The following LIPE variants were observed in gnomAD, a reference collection of about 807,000 sequenced individuals.
LIPE encodes the protein lipase E, hormone sensitive type.
LIPE carries 66 observed loss-of-function variants against 88.5 expected under a neutral mutation model. The observed-to-expected ratio is 0.75, with a 90% CI of 0.61 to 0.91. The LOEUF is 0.91. Ranked by LOEUF, LIPE falls within the 40% of genes least tolerant of loss-of-function variation. The pLI is 0.00. For synonymous variants in LIPE, 570 were observed against 617.5 expected (o/e 0.92, Z 1.14); for missense variants, 1,346 against 1,434.7 (o/e 0.94, Z 1.00).
At position 42,405,681 on chromosome 19, in the gene LIPE, A is replaced by G. The variant is rs533514529; in HGVS notation, c.2366-120T>C. ...AGAATATCCAATCGCTTCAAAAGGG[A>G]TAAGGAGGCTGGGCGCAGTGGCTCA... On this transcript the variant is annotated intron_variant, in intron 7 of 9. Transcript: ENST00000244289. 383 of 1,012,174 alleles carry G rather than the reference A, an allele frequency of 3.8e-4. 1 individual carries two copies. Among genetic ancestry groups the G allele is most frequent in the Non-Finnish European group, 5.1e-4 (355 of 692,598 alleles). The allele number at this position is 1,012,174 out of a possible 1,614,324, so 62.7% of individuals were successfully genotyped here. A position where few individuals can be genotyped will look rare whatever the true frequency, so the allele number is the denominator to read the frequency against.
At position 42,408,395 on chromosome 19, in the gene LIPE, G is replaced by A; in HGVS notation, c.1420-73C>T. The stretch of plus-strand genomic sequence containing the variant: ...GGACAGGGCAGGAGCGAGGCACAGG[G>A]ATGTGCGGGGAAGACACATTCATTC... On this transcript the variant is annotated intron_variant, in intron 2 of 9. Transcript: ENST00000244289. The surrounding 1 kb of genome is among the most constrained non-coding windows in gnomAD (Gnocchi z 4.3). 8.5e-7 allele frequency: 1 copy of A among 1,176,784 alleles called. No individual in the cohort carries two copies. Among genetic ancestry groups the A allele is most frequent in the Non-Finnish European group, 1.3e-6 (1 of 786,082 alleles). 72.9% of individuals were successfully genotyped at this position (1,176,784 alleles called of 1,614,324 possible). A position where few individuals can be genotyped will look rare whatever the true frequency, so the allele number is the denominator to read the frequency against.
chr19:42,410,444 A>G lies in LIPE; in HGVS notation c.1282T>C (p.Tyr428His). 6.2e-7 allele frequency: 1 copy of G among 1,614,180 alleles called. No homozygotes were observed. Among genetic ancestry groups the G allele is most frequent in the Non-Finnish European group, 8.5e-7 (1 of 1,180,016 alleles). Residue 428 changes from tyrosine (Y) to histidine (H), a missense_variant, in exon 2 of 10, where the codon TAC becomes CAC. Transcript: ENST00000244289. This position sits in a 1 kb window ranked among gnomAD's most constrained non-coding sequence, Gnocchi z 6.1. ...TTGGTAACCAGCAGGCGCTGGGCGT[A>G]GTAGACCAGAGCGCGGAGCTGGGTG... ...ALTQLRALVYYAQRLLVTNRP... is the reference protein window; with the variant it reads ...ALTQLRALVYHAQRLLVTNRP...
chr19:42,423,980 G>A, intron 1 of LIPE: 1 of 1,169,176 alleles, frequency 8.6e-7, no homozygotes, highest in South Asian at 1.7e-5. Context: ...AAGGGGGAAA[G>A]TGGGGCGCCT....
Position 42,426,529 on chromosome 19 carries a change from T to C in LIPE, c.621A>G (p.Leu207=). The change falls in exon 1 of 10, where the codon CTA becomes CTG. Residue 207 remains leucine, a synonymous_variant. Transcript: ENST00000244289. ...GTATGGATAGTTCCTGAAGTTTTGT[T>C]AGAAATCCCAGCTCTGTCAAAGATC... ...KQGSLTELGF[L]TKLQELSIQR... The C allele has an allele frequency of 3.1e-6, 5 of 1,614,200 alleles. No individual in the cohort carries two copies. The highest frequency in any genetic ancestry group is 4.2e-6 in the Non-Finnish European group (5 of 1,180,018).
rs1433052806 is a variant in LIPE, at chr19:42,426,839, A to G, written c.311T>C (p.Val104Ala). ...APQQSPYIQR[V>A]LLTQQEAASQ... ...GGCAGCTTCCTGTTGAGTGAGCAGC[A>G]CCCTTTGGATGTAAGGTGATTGCTG... The change falls in exon 1 of 10, where the codon GTG becomes GCG. Residue 104 changes from valine (V) to alanine (A), a missense_variant. By Grantham distance (64) the Val-to-Ala change is moderately conservative. Transcript: ENST00000244289. 2 of 1,614,024 alleles carry G rather than the reference A, an allele frequency of 1.2e-6. No homozygotes were observed. Among genetic ancestry groups the G allele is most frequent in the Admixed American group, 3.3e-5 (2 of 60,010 alleles).
At chr19:42,411,040 G>A (rs892655765) in intron 1 of LIPE, among the ~76,000 whole-genome samples, 198 bp from the exon 2 acceptor site, 2 of 152,170 alleles carry the variant, frequency 1.3e-5, no homozygotes, top group Non-Finnish European at 2.9e-5. Flanking sequence ...GGAATCAGAA[G>A]TTTGGGGCCC....
At chr19:42,424,628 G>C (rs940950064) in intron 1 of LIPE, 33 of 456,362 alleles carry the variant, frequency 7.2e-5, no homozygotes, top group Admixed American at 5.2e-4. Flanking sequence ...GGAGAGACAA[G>C]ACAGACTGGC....
chr19:42,415,983 A>G (rs538821640), intron 1 of LIPE, among the ~76,000 whole-genome samples: 1 of 152,120 alleles, frequency 6.6e-6, no homozygotes, highest in African/African-American at 2.4e-5. Context: ...TGCAGAAAAA[A>G]GGTTGGAAGC....
chr19:42,412,015 C>T (rs2040388636), intron 1 of LIPE, among the ~76,000 whole-genome samples: 2 of 152,166 alleles, frequency 1.3e-5, no homozygotes, highest in African/African-American at 2.4e-5. Context: ...TTTTGTAAAC[C>T]CAGCTCTCTG....
At position 42,408,824 on chromosome 19, in the gene LIPE, T is replaced by TAAA. The variant is rs34023098; in HGVS notation, c.1420-505_1420-503dup. Among the ~76,000 whole-genome samples, 2 of 136,842 alleles carry TAAA rather than the reference T, an allele frequency of 1.5e-5. No individual in the cohort carries two copies. The highest frequency in any genetic ancestry group is 7.3e-5 in the Admixed American group (1 of 13,618). 89.8% of individuals were successfully genotyped at this position (136,842 alleles called of 152,430 possible). ...GGGCGACAGAGCGAGACTCTGTCTC[T>TAAA]AAAAAAAAAAAAAGGTGAGCTCATG... On this transcript the variant is annotated intron_variant, in intron 2 of 9. Coordinates refer to ENST00000244289, the MANE Select transcript of LIPE (RefSeq NM_005357.4). This position sits in a 1 kb window ranked among gnomAD's most constrained non-coding sequence, Gnocchi z 4.3.
chr19:42,424,176 C>A (rs2040661398), intron 1 of LIPE: 3 of 1,101,126 alleles, frequency 2.7e-6, no homozygotes, highest in Non-Finnish European at 3.6e-6. Flanking sequence ...TCTGTCTCCG[C>A]CCCCTAATCC....
At position 42,423,364 on chromosome 19, in the gene LIPE, C is replaced by G. The variant is rs192873829; in HGVS notation, c.883+2903G>C. 1,914 of 1,250,338 alleles carry G rather than the reference C, an allele frequency of 1.5e-3. 26 individuals carry two copies. The African/African-American group carries it at 0.027, about 17-fold the overall frequency. The allele number at this position is 1,250,338 out of a possible 1,614,324, so 77.5% of individuals were successfully genotyped here. On this transcript the variant is annotated intron_variant, in intron 1 of 9. Transcript: ENST00000244289. The stretch of plus-strand genomic sequence containing the variant: ...GGGCCAGTCCACGCTGTCCCCACTG[C>G]CCCGTAGGATGTACGAGGTTCCTTC...
At position 42,408,174 on chromosome 19, in the gene LIPE, A is replaced by C; in HGVS notation, c.1511-53T>G. On this transcript the variant is annotated intron_variant, in intron 3 of 9. Transcript: ENST00000244289. The surrounding 1 kb of genome is among the most constrained non-coding windows in gnomAD (Gnocchi z 4.3). ...CCCCAGTGGGTCAGGCTGCTTGGGC[A>C]GGAGTGGGGAGGAGGGCCAAGAGAG... 6.2e-7 allele frequency: 1 copy of C among 1,613,726 alleles called. No homozygotes were observed. Among genetic ancestry groups the C allele is most frequent in the Non-Finnish European group, 8.5e-7 (1 of 1,179,774 alleles).
intron 1 of LIPE, among the ~76,000 whole-genome samples, chr19:42,420,291 GTGTC>G (rs2040572560): frequency 6.6e-6 from 1 of 152,078 alleles, no homozygotes. Context: ...GGGTGTGAGT[GTGTC>G]TGGGGTTCAC....
In LIPE at chr19:42,405,402, ATCT is replaced by A. The variant is rs747453256; in HGVS notation, c.2522_2524del (p.Lys841del). On this transcript the variant is annotated inframe_deletion, in exon 8 of 10. Transcript: ENST00000244289. ...TCACTCACCTGCTATGGGCTCCGAC[ATCT>A]TCTGGGACTTGCGCCCACTTAACTC... 1 of 1,613,416 alleles carries A rather than the reference ATCT, an allele frequency of 6.2e-7. No individual in the cohort carries two copies. Among genetic ancestry groups the A allele is most frequent in the South Asian group, 1.1e-5 (1 of 91,032 alleles).
At chr19:42,423,879 T>C in intron 1 of LIPE, 1 of 1,132,248 alleles carries the variant, frequency 8.8e-7, no homozygotes, top group South Asian at 2.0e-5. Flanking sequence ...TCCCACGTGC[T>C]GGGAAGCCTC....
intron 1 of LIPE, among the ~76,000 whole-genome samples, chr19:42,420,457 C>T (rs894518246): frequency 6.6e-6 from 1 of 151,822 alleles, no homozygotes; most frequent in Non-Finnish European, 1.5e-5. Flanking sequence ...CTTGTGTGGG[C>T]GTGTTTGTTT....
intron 1 of LIPE, among the ~76,000 whole-genome samples, chr19:42,421,616 G>A (rs183372477): frequency 6.6e-6 from 1 of 152,334 alleles, no homozygotes; most frequent in East Asian, 1.9e-4. Flanking sequence ...CAGCAGTTGT[G>A]CGTCCACAAA....
intron 1 of LIPE, among the ~76,000 whole-genome samples, chr19:42,419,865 C>T (rs561265120): frequency 1.9e-4 from 29 of 152,094 alleles, no homozygotes; most frequent in South Asian, 1.0e-3. Flanking sequence ...ACAGCCTCTG[C>T]GTGCCTGGTC....
Sources: allele counts gnomAD v4.1 joint callset (sites outside exome capture counted in the v4.1 genomes callset), GRCh38; gene constraint gnomAD v4.1.1; non-coding constraint Gnocchi (gnomAD v3.1); transcripts MANE v1.5; gene names NCBI Gene and HGNC (gene_info 2026-07-23, HGNC 2026-07-21).